The following FBXO42 variants were observed in gnomAD, a reference collection of about 807,000 sequenced individuals.
FBXO42 encodes F-box protein 42, also known as F-box only protein 42.
Under a neutral mutation model 71.7 loss-of-function variants are expected in FBXO42, and 12 were observed. The ratio of observed to expected loss-of-function variants is 0.17; its 90% confidence interval spans 0.11 to 0.27. The LOEUF is 0.27. FBXO42 is among the 10% of genes least tolerant of loss of function. The pLI is 1.00. For missense variants in FBXO42, 707 were observed against 911.9 expected (o/e 0.78, Z 2.89); for synonymous variants, 325 against 327.5 (o/e 0.99, Z 0.08).
intron 4 of FBXO42, among the ~76,000 whole-genome samples, chr1:16,268,884 C>G (rs952714464): frequency 6.0e-5 from 9 of 150,704 alleles, no homozygotes; most frequent in Admixed American, 5.3e-4. Context: ...ACTCGGGAGG[C>G]TGAGACAGGA....
chr1:16,287,960 C>T (rs536509595), intron 4 of FBXO42, among the ~76,000 whole-genome samples: 3 of 152,094 alleles, frequency 2.0e-5, no homozygotes, highest in Non-Finnish European at 2.9e-5. Flanking sequence ...GCCTGGCCAA[C>T]GTGATGAAAC....
intron 1 of FBXO42, among the ~76,000 whole-genome samples, chr1:16,347,495 CAGAG>C (rs1242603774): frequency 2.0e-5 from 3 of 152,126 alleles, no homozygotes; most frequent in East Asian, 1.9e-4. Context: ...GCCTAGGCAA[CAGAG>C]AGAGACTTCC....
rs767011648 is a variant in FBXO42 at position 16,256,774 on chromosome 1, T to TTC, written c.503-16_503-15insGA. On this transcript the variant is annotated splice_polypyrimidine_tract_variant and intron_variant, in intron 4 of 9. Coordinates refer to ENST00000375592, the MANE Select transcript of FBXO42 (RefSeq NM_018994.3). ...AGGATAGGACCCTAGGGAAAGTCAG[T>TTC]AACACCATGGTTAGCATTCAGGATC... 6.2e-7 allele frequency: 1 copy of TTC among 1,613,444 alleles called. No individual in the cohort carries two copies.
chr1:16,350,777 G>T (rs1432315009), intron 1 of FBXO42, among the ~76,000 whole-genome samples: 1 of 144,732 alleles, frequency 6.9e-6, no homozygotes, highest in Non-Finnish European at 1.5e-5. Context: ...AAGAAAGAAA[G>T]AAAGAAAGAA....
At chr1:16,311,179 A>G (rs946565922) in intron 2 of FBXO42, among the ~76,000 whole-genome samples, 1 of 144,722 alleles carries the variant, frequency 6.9e-6, no homozygotes, top group African/African-American at 2.6e-5. Flanking sequence ...CTCCGTCTCA[A>G]AAAAAAAAAA....
chr1:16,333,555 C>T (rs2082523288), intron 1 of FBXO42, among the ~76,000 whole-genome samples: 1 of 151,782 alleles, frequency 6.6e-6, no homozygotes, highest in Admixed American at 6.6e-5. Context: ...CACCACTGCA[C>T]TCCAGCCTGT....
chr1:16,333,388 G>A (rs2082520616), intron 1 of FBXO42, among the ~76,000 whole-genome samples: 1 of 151,302 alleles, frequency 6.6e-6, no homozygotes, highest in Non-Finnish European at 1.5e-5. Context: ...TGCCACCAGA[G>A]GATCGCTTGA....
At chr1:16,312,786 G>A (rs1027067542) in intron 2 of FBXO42, among the ~76,000 whole-genome samples, 31 of 144,618 alleles carry the variant, frequency 2.1e-4, no homozygotes, top group Non-Finnish European at 3.8e-4. Context: ...ATGAGAAATC[G>A]GTTTTGTTTT....
At chr1:16,340,122 G>A (rs2082588245) in intron 1 of FBXO42, among the ~76,000 whole-genome samples, 1 of 151,830 alleles carries the variant, frequency 6.6e-6, no homozygotes, top group Non-Finnish European at 1.5e-5. Context: ...CTTGCAATGA[G>A]CCGTGATCGT....
At chr1:16,261,698 A>G (rs1412018474) in intron 4 of FBXO42, among the ~76,000 whole-genome samples, 2 of 140,120 alleles carry the variant, frequency 1.4e-5, no homozygotes, top group African/African-American at 2.7e-5. Context: ...GGATACAGGT[A>G]TATCAATTTT....
In FBXO42 at chr1:16,251,842, CT is replaced by C; in HGVS notation, c.1039-58del. 2 of 1,545,688 alleles carry C rather than the reference CT, an allele frequency of 1.3e-6. No individual in the cohort carries two copies. The highest frequency in any genetic ancestry group is 2.5e-5 in the South Asian group (2 of 80,956). ...TCTATGATTCTGATTGTTCATTCAA[CT>C]GTCAAACATTTTATCATGAGCATCT... On this transcript the variant is annotated intron_variant, in intron 9 of 9. Transcript: ENST00000375592. The surrounding 1 kb of genome is among the most constrained non-coding windows in gnomAD (Gnocchi z 4.5).
intron 4 of FBXO42, among the ~76,000 whole-genome samples, chr1:16,259,464 A>G (rs937293571): frequency 6.6e-6 from 1 of 152,226 alleles, no homozygotes; most frequent in African/African-American, 2.4e-5. Context: ...TAAATGCAGT[A>G]TAAGAATATA....
Position 16,339,470 on chromosome 1 carries a change from G to A in FBXO42, c.-18+12785C>T, listed in dbSNP as rs373330379. Among the ~76,000 whole-genome samples, 38 of 151,796 alleles carry A rather than the reference G, an allele frequency of 2.5e-4. No individual in the cohort carries two copies. The East Asian group carries it at 2.7e-3, about 11-fold the overall frequency. On this transcript the variant is annotated intron_variant, in intron 1 of 9. Transcript: ENST00000375592. ...TGGGACTACAGGTGCGTGCCACCAC[G>A]CCCAGCTAATTTTTGTATTTTCAGT...
At chr1:16,258,394 T>G (rs2081670554) in intron 4 of FBXO42, among the ~76,000 whole-genome samples, 1 of 152,030 alleles carries the variant, frequency 6.6e-6, no homozygotes, top group South Asian at 2.1e-4. Context: ...GGTCTTGCTG[T>G]TGCCCAGGCT....
At chr1:16,280,480 CA>C (rs373996431) in intron 4 of FBXO42, among the ~76,000 whole-genome samples, 59 of 152,194 alleles carry the variant, frequency 3.9e-4, no homozygotes, top group South Asian at 2.5e-3. Context: ...AATAACGTAC[CA>C]ATATTGGTTT....
chr1:16,272,268 CT>C (rs1359538554), intron 4 of FBXO42, among the ~76,000 whole-genome samples: 1 of 149,554 alleles, frequency 6.7e-6, no homozygotes, highest in Admixed American at 6.7e-5. Flanking sequence ...CTGCAACTCT[CT>C]TTTTTTTGAG....
intron 4 of FBXO42, among the ~76,000 whole-genome samples, chr1:16,257,664 G>A (rs914284632): frequency 6.6e-6 from 1 of 152,108 alleles, no homozygotes. Flanking sequence ...ATATCCAGGT[G>A]TCAGTAAATA....
chr1:16,272,386 A>G (rs2081856458), intron 4 of FBXO42, among the ~76,000 whole-genome samples: 1 of 151,514 alleles, frequency 6.6e-6, no homozygotes, highest in Admixed American at 6.6e-5. Context: ...CAGCCTCCCG[A>G]GTAGCTGGGA....
chr1:16,258,342 G>A (rs1434834082), intron 4 of FBXO42, among the ~76,000 whole-genome samples: 3 of 150,518 alleles, frequency 2.0e-5, no homozygotes. Flanking sequence ...TGTGGCATCA[G>A]CTATTTTTCA....
Sources: gnomAD v4.1 joint callset for allele counts (sites outside exome capture counted in the v4.1 genomes callset) on GRCh38, gnomAD v4.1.1 for gene constraint, Gnocchi (gnomAD v3.1) non-coding constraint, MANE v1.5 for transcripts, NCBI Gene and HGNC (gene_info 2026-07-23, HGNC 2026-07-21) for gene names.